Variants in ZNF385D observed in about 807,000 individuals in gnomAD.
ZNF385D encodes zinc finger protein 659.
In ZNF385D, 15 loss-of-function variants were observed where a neutral mutation model predicts 35.8. The observed-to-expected ratio is 0.42, with a 90% CI of 0.28 to 0.64. The LOEUF is 0.64. Ranked by LOEUF, ZNF385D falls within the 30% of genes least tolerant of loss-of-function variation. ZNF385D has a pLI of 0.23. For missense variants in ZNF385D, 474 were observed against 494.6 expected, an observed-to-expected ratio of 0.96 and a Z score of 0.39; for synonymous variants, 212 against 186.8, an observed-to-expected ratio of 1.13 and a Z score of -1.10.
rs138735873 is a variant in ZNF385D at position 21,807,093 on chromosome 3, A to G, written c.326-142065T>C. On this transcript the variant is annotated intron_variant, in intron 3 of 5. Transcript: ENST00000494108. Reference sequence around the variant, plus strand: ...AAATGAATTTAGAACAGTGCCATCCAGTAAAAATATAATGTGAATCAGATG... The same window carrying G: ...AAATGAATTTAGAACAGTGCCATCCGGTAAAAATATAATGTGAATCAGATG... Among the ~76,000 whole-genome samples the G allele has an allele frequency of 1.4e-4, 22 of 152,352 alleles. No individual in the cohort carries two copies. The East Asian group carries it at 4.0e-3, about 28-fold the overall frequency.
At chr3:22,098,186 C>A (rs546013372) in intron 3 of ZNF385D, among the ~76,000 whole-genome samples, 40 of 152,118 alleles carry the variant, frequency 2.6e-4, no homozygotes, top group Admixed American at 1.8e-3. Context: ...CTATTACGAC[C>A]AATAAAATAT....
At chr3:21,812,612 C>G (rs1212315884) in intron 3 of ZNF385D, among the ~76,000 whole-genome samples, 2 of 152,186 alleles carry the variant, frequency 1.3e-5, no homozygotes, top group Admixed American at 6.5e-5. Context: ...CACAGCAGTC[C>G]GAGATCGAAC....
chr3:21,996,627 T>A (rs1238769632), intron 3 of ZNF385D, among the ~76,000 whole-genome samples: 1 of 152,248 alleles, frequency 6.6e-6, no homozygotes, highest in Non-Finnish European at 1.5e-5. Context: ...TGTTTCAGCT[T>A]ATGTTAGCAT....
At chr3:21,542,287 A>C (rs2062199838) in intron 3 of ZNF385D, among the ~76,000 whole-genome samples, 1 of 152,080 alleles carries the variant, frequency 6.6e-6, no homozygotes, top group Non-Finnish European at 1.5e-5. Flanking sequence ...TTTTTATCAA[A>C]ATGCAGAAAT....
chr3:22,172,895 A>G lies in ZNF385D; in HGVS notation c.107-3860T>C, dbSNP rs147751674. ...AACACTCTTCTTCCTCTTTAAGTAT[A>G]GGTTATGCTTAGTGACTTGCATCTA... is the stretch of plus-strand genomic sequence containing the variant. On this transcript the variant is annotated intron_variant, in intron 2 of 5. Transcript: ENST00000494108. 1.4e-3 allele frequency among the ~76,000 whole-genome samples: 208 copies of G among 152,330 alleles called. 2 individuals carry two copies. The South Asian group carries it at 0.028, about 21-fold the overall frequency.
At chr3:22,330,546 T>C (rs754335283) in intron 2 of ZNF385D, among the ~76,000 whole-genome samples, 7 of 152,202 alleles carry the variant, frequency 4.6e-5, no homozygotes, top group African/African-American at 1.7e-4. Context: ...TCAAGTCTTA[T>C]AATGATATTT....
chr3:22,025,519 TAG>T (rs754822072), intron 3 of ZNF385D, among the ~76,000 whole-genome samples: 3 of 152,162 alleles, frequency 2.0e-5, no homozygotes, highest in Non-Finnish European at 4.4e-5. Flanking sequence ...GGAAGAAACA[TAG>T]AGTTGGATCA....
intron 2 of ZNF385D, among the ~76,000 whole-genome samples, chr3:22,338,697 C>CTTTTT: frequency 2.3e-5 from 3 of 131,530 alleles, no homozygotes; most frequent in African/African-American, 1.1e-4. Flanking sequence ...ATATTCATCT[C>CTTTTT]ATTTTTTTTT....
chr3:22,044,285 G>C (rs1458928849), intron 3 of ZNF385D, among the ~76,000 whole-genome samples: 3 of 151,956 alleles, frequency 2.0e-5, no homozygotes, highest in Non-Finnish European at 4.4e-5. Flanking sequence ...GTCGTCTTTG[G>C]AAATCTGAAT....
At chr3:21,787,849 G>C (rs1463550325) in intron 3 of ZNF385D, among the ~76,000 whole-genome samples, 2 of 150,938 alleles carry the variant, frequency 1.3e-5, no homozygotes, top group Non-Finnish European at 2.9e-5. Flanking sequence ...GGCTGAGGCA[G>C]GAGAATGGCG....
At chr3:22,046,900 C>T (rs1699036882) in intron 3 of ZNF385D, among the ~76,000 whole-genome samples, 1 of 152,066 alleles carries the variant, frequency 6.6e-6, no homozygotes. Flanking sequence ...AAATCAGAAA[C>T]ACTTTATACT....
At chr3:22,263,193 C>CCAGCT (rs542749790) in intron 2 of ZNF385D, among the ~76,000 whole-genome samples, 103 of 152,056 alleles carry the variant, frequency 6.8e-4, no homozygotes, top group African/African-American at 2.4e-3. Flanking sequence ...TCTGCTACTG[C>CCAGCT]CCAGCTCAAA....
chr3:21,912,788 G>C (rs1216889951), intron 3 of ZNF385D, among the ~76,000 whole-genome samples: 2 of 152,020 alleles, frequency 1.3e-5, no homozygotes, highest in Non-Finnish European at 2.9e-5. Context: ...AAAAGCTGTT[G>C]ATAAGATAGA....
intron 3 of ZNF385D, among the ~76,000 whole-genome samples, chr3:21,939,943 T>G (rs922097536): frequency 1.3e-5 from 2 of 151,936 alleles, no homozygotes; most frequent in African/African-American, 4.8e-5. Flanking sequence ...AATGGAAGAG[T>G]ATTAAGTTGT....
chr3:22,336,595 A>G lies in ZNF385D; in HGVS notation c.106+35855T>C, dbSNP rs908359313. On this transcript the variant is annotated intron_variant, in intron 2 of 5. Coordinates refer to the ZNF385D transcript ENST00000494108. Reference sequence around the variant, plus strand: ...GTCACATCTGACAGCTATTTTCCACAACACATCATCAAGTATTTCACTACA... The same window carrying G: ...GTCACATCTGACAGCTATTTTCCACGACACATCATCAAGTATTTCACTACA... Among the ~76,000 whole-genome samples, 13 of 152,230 alleles carry G rather than the reference A, an allele frequency of 8.5e-5. No individual in the cohort carries two copies. The East Asian group carries it at 1.9e-3, about 23-fold the overall frequency.
chr3:22,166,768 C>A (rs370784749), intron 3 of ZNF385D, among the ~76,000 whole-genome samples: 23 of 152,198 alleles, frequency 1.5e-4, no homozygotes, highest in African/African-American at 5.1e-4. Context: ...GGTTTCTAAA[C>A]AAGATGTATC....
At chr3:22,154,130 T>C (rs980639444) in intron 3 of ZNF385D, among the ~76,000 whole-genome samples, 2 of 152,158 alleles carry the variant, frequency 1.3e-5, no homozygotes, top group Non-Finnish European at 2.9e-5. Flanking sequence ...TCCTCGGGAA[T>C]ATACTGGCTG....
chr3:21,803,777 G>A (rs954348853), intron 3 of ZNF385D, among the ~76,000 whole-genome samples: 4 of 152,146 alleles, frequency 2.6e-5, no homozygotes, highest in East Asian at 1.9e-4. Flanking sequence ...ATCTCCATAT[G>A]AGATATAATT....
At chr3:21,444,936 T>G (rs1488036208) in intron 4 of ZNF385D, among the ~76,000 whole-genome samples, 1 of 152,150 alleles carries the variant, frequency 6.6e-6, no homozygotes, top group Non-Finnish European at 1.5e-5. Flanking sequence ...GTCACACACC[T>G]TGACTTGGGT....
Sources: gnomAD v4.1 joint callset for allele counts (sites outside exome capture counted in the v4.1 genomes callset) on GRCh38, gnomAD v4.1.1 for gene constraint, MANE v1.5 for transcripts, NCBI Gene and HGNC (gene_info 2026-07-23, HGNC 2026-07-21) for gene names.